Variants in MAP2K3 observed in about 807,000 individuals in gnomAD.
MAP2K3 encodes the protein dual specificity mitogen-activated protein kinase kinase 3.
In MAP2K3, 30 loss-of-function variants were observed where a neutral mutation model predicts 46.4. That is an observed-to-expected ratio of 0.65 (90% confidence interval 0.48 to 0.88). MAP2K3 has a LOEUF of 0.88. MAP2K3 is among the 40% of genes least tolerant of loss of function. The pLI, the probability that MAP2K3 is intolerant of heterozygous loss-of-function variation, is 0.00. For synonymous variants in MAP2K3, 189 were observed against 176.3 expected (o/e 1.07, Z -0.57); for missense variants, 380 against 464.5 (o/e 0.82, Z 1.67).
chr17:21,296,244 C>T, intron 1 of MAP2K3: 1 of 1,249,024 alleles, frequency 8.0e-7, no homozygotes, highest in Non-Finnish European at 1.0e-6. Context: ...CTGTTTTGTA[C>T]ATGAGGAACC....
intron 1 of MAP2K3, among the ~76,000 whole-genome samples, chr17:21,291,152 G>C (rs549326266): frequency 1.1e-3 from 161 of 152,380 alleles, no homozygotes; most frequent in East Asian, 3.9e-4. Flanking sequence ...GCTGAGGCAG[G>C]AGAATGGCAT....
chr17:21,284,771 T>TCGCCGCAGTCGCCGCCGC lies in MAP2K3; in HGVS notation c.-143_-126dup. 1 of 811,406 alleles carries TCGCCGCAGTCGCCGCCGC rather than the reference T, an allele frequency of 1.2e-6. No homozygotes were observed. Among genetic ancestry groups the TCGCCGCAGTCGCCGCCGC allele is most frequent in the Non-Finnish European group, 1.8e-6 (1 of 549,724 alleles). The allele number at this position is 811,406 out of a possible 1,614,324, so 50.3% of individuals were successfully genotyped here. On this transcript the variant is annotated 5_prime_UTR_variant, in exon 1 of 12. Transcript: ENST00000342679. ...CTTGCTGCAGTCGCCGCCGCAGTCC[T>TCGCCGCAGTCGCCGCCGC]CGCCGCAGTCGCCGCCGCCGCCGCC...
Position 21,314,458 on chromosome 17 carries a change from C to A in MAP2K3, c.*228C>A. On this transcript the variant is annotated 3_prime_UTR_variant, in exon 12 of 12. Transcript: ENST00000342679. ...CCTTGTCGGCCCCACCAGTGCCTCT[C>A]CCTGCTGCTCCTAGGACCCGTCTCC... 1.8e-6 allele frequency: 1 copy of A among 564,260 alleles called. No homozygotes were observed. The highest frequency in any genetic ancestry group is 3.2e-6 in the Non-Finnish European group (1 of 313,520). 35.0% of individuals were successfully genotyped at this position (564,260 alleles called of 1,614,324 possible). A position where few individuals can be genotyped will look rare whatever the true frequency, so the allele number is the denominator to read the frequency against.
Position 21,303,174 on chromosome 17 carries a change from C to T in MAP2K3, c.517-9C>T, listed in dbSNP as rs1976702162. 1 of 1,614,220 alleles carries T rather than the reference C, an allele frequency of 6.2e-7. No homozygotes were observed. Among genetic ancestry groups the T allele is most frequent in the Non-Finnish European group, 8.5e-7 (1 of 1,180,036 alleles). ...CCTGTCTCTTCCCTCCTCCCCACCCCACCGCCAGATCGTGCGGGCCCTGGA... is the reference window on the plus strand; with the variant it reads ...CCTGTCTCTTCCCTCCTCCCCACCCTACCGCCAGATCGTGCGGGCCCTGGA... On this transcript the variant is annotated splice_polypyrimidine_tract_variant and intron_variant, in intron 6 of 11. Transcript: ENST00000342679.
chr17:21,288,857 G>C (rs1975798817), intron 1 of MAP2K3, among the ~76,000 whole-genome samples: 1 of 152,240 alleles, frequency 6.6e-6, no homozygotes, highest in African/African-American at 2.4e-5. Context: ...TGCTGGGATG[G>C]CCCTGGGTTC....
intron 9 of MAP2K3, among the ~76,000 whole-genome samples, chr17:21,305,893 C>CA (rs1976869348): frequency 6.6e-6 from 1 of 152,308 alleles, no homozygotes; most frequent in Non-Finnish European, 1.5e-5. Flanking sequence ...GGCTTGGGAC[C>CA]AATGGAGTGT....
intron 10 of MAP2K3, 86 bp from the exon 11 acceptor site, chr17:21,313,406 G>A (rs2144670486): frequency 2.7e-6 from 3 of 1,116,536 alleles, no homozygotes; most frequent in East Asian, 5.0e-5. Context: ...GCTAGGCCTG[G>A]GGCAATCCTG....
chr17:21,302,105 G>A (rs763277595), intron 5 of MAP2K3, 38 bp from the exon 6 acceptor site: 1 of 1,608,120 alleles, frequency 6.2e-7, no homozygotes, highest in Admixed American at 1.7e-5. Context: ...GACACGGGCA[G>A]CCCGGCAGCC....
intron 10 of MAP2K3, among the ~76,000 whole-genome samples, chr17:21,312,637 CTGGGCACGG>C (rs1977218054): frequency 6.6e-6 from 1 of 152,192 alleles, no homozygotes; most frequent in African/African-American, 2.4e-5. Flanking sequence ...GTTTGAGAGG[CTGGGCACGG>C]TGGCTCACGC....
intron 1 of MAP2K3, among the ~76,000 whole-genome samples, chr17:21,293,592 A>C (rs1282102066): frequency 6.6e-6 from 1 of 152,428 alleles, no homozygotes; most frequent in East Asian, 1.9e-4. Context: ...CGTTCTCTGC[A>C]GGTGAGGAAG....
intron 9 of MAP2K3, among the ~76,000 whole-genome samples, chr17:21,305,568 T>G (rs553005660): frequency 1.0e-3 from 154 of 152,398 alleles, no homozygotes; most frequent in African/African-American, 3.3e-3. Context: ...ATCCTGGGCC[T>G]GTGGAAGCCA....
chr17:21,300,851 T>C (rs1336147234), intron 4 of MAP2K3, 23 bp from the exon 5 acceptor site: 2 of 1,613,946 alleles, frequency 1.2e-6, no homozygotes, highest in Non-Finnish European at 1.7e-6. Context: ...CGGCAACCTC[T>C]GAATGGCAGT....
rs993981748 is a variant in MAP2K3 at position 21,284,717 on chromosome 17, T to A, written c.-204T>A. On this transcript the variant is annotated 5_prime_UTR_variant, in exon 1 of 12. Transcript: ENST00000342679. ...GGTCTCCCCGGCGCTGCCCAGTCTG[T>A]CTCCGGCGCCGCCCGTCGCGGACTC... is the stretch of plus-strand genomic sequence containing the variant. The A allele has an allele frequency of 8.6e-5, 43 of 498,436 alleles. No individual in the cohort carries two copies. Among genetic ancestry groups the A allele is most frequent in the South Asian group, 3.3e-4 (9 of 27,614 alleles). 30.9% of individuals were successfully genotyped at this position (498,436 alleles called of 1,614,324 possible). A position where few individuals can be genotyped will look rare whatever the true frequency, so the allele number is the denominator to read the frequency against.
chr17:21,287,238 A>G (rs1458985516), intron 1 of MAP2K3, among the ~76,000 whole-genome samples: 1 of 152,234 alleles, frequency 6.6e-6, no homozygotes, highest in Non-Finnish European at 1.5e-5. Context: ...GGACAGACTG[A>G]GGCAGAGGTG....
chr17:21,314,011 G>C, intron 11 of MAP2K3, 136 bp from the exon 12 acceptor site: 1 of 706,910 alleles, frequency 1.4e-6, no homozygotes, highest in East Asian at 2.5e-5. Flanking sequence ...AGGGCCTCCT[G>C]GGGGTGGAGG....
chr17:21,294,592 C>T (rs989140469), intron 1 of MAP2K3, among the ~76,000 whole-genome samples: 15 of 152,418 alleles, frequency 9.8e-5, no homozygotes, highest in African/African-American at 2.6e-4. Flanking sequence ...CCTCACCAGA[C>T]GCCCACCGTG....
intron 9 of MAP2K3, chr17:21,311,608 C>CTCTG (rs1491218305): frequency 0.013 from 1,899 of 143,738 alleles, 16 homozygotes; most frequent in South Asian, 0.02. Context: ...TTGGAGACAG[C>CTCTG]TGTGTGTGTG....
chr17:21,310,302 C>A (rs571813154), intron 9 of MAP2K3, among the ~76,000 whole-genome samples: 1 of 152,132 alleles, frequency 6.6e-6, no homozygotes, highest in Non-Finnish European at 1.5e-5. Flanking sequence ...AGCCACCGCA[C>A]CTGGCCAATT....
chr17:21,311,607 GCT>G (rs1491544465), intron 9 of MAP2K3: 1 of 90,124 alleles, frequency 1.1e-5, no homozygotes, highest in Non-Finnish European at 2.1e-5. Context: ...CTTGGAGACA[GCT>G]GTGTGTGTGT....
Sources: allele counts gnomAD v4.1 joint callset (sites outside exome capture counted in the v4.1 genomes callset), GRCh38; gene constraint gnomAD v4.1.1; transcripts MANE v1.5; gene names NCBI Gene and HGNC (gene_info 2026-07-23, HGNC 2026-07-21).